Variants in TFB2M observed in about 807,000 individuals in gnomAD.
TFB2M encodes the protein dimethyladenosine transferase 2, mitochondrial.
Under a neutral mutation model 41.3 loss-of-function variants are expected in TFB2M, and 44 were observed. The ratio of observed to expected loss-of-function variants is 1.07; its 90% CI spans 0.84 to 1.37. The LOEUF (loss-of-function observed/expected upper bound fraction) is 1.37, where lower values mean the gene tolerates loss of function less well. TFB2M is among the 40% of genes most tolerant of loss of function. The pLI, the probability that TFB2M is intolerant of heterozygous loss-of-function variation, is 0.00. For synonymous variants in TFB2M, 188 were observed against 176.8 expected (o/e 1.06, Z -0.50); for missense variants, 496 against 490.2 (o/e 1.01, Z -0.11).
chr1:246,542,407 T>C (rs1572082125), intron 7 of TFB2M, among the ~76,000 whole-genome samples: 1 of 152,014 alleles, frequency 6.6e-6, no homozygotes, highest in Non-Finnish European at 1.5e-5. Context: ...GTGCGGTGGC[T>C]CCTACCTGTT....
At chr1:246,554,901 A>G (rs962383927) in intron 4 of TFB2M, among the ~76,000 whole-genome samples, 1 of 152,184 alleles carries the variant, frequency 6.6e-6, no homozygotes, top group Non-Finnish European at 1.5e-5. Flanking sequence ...GACACAATTA[A>G]CAGGGTTAAA....
intron 7 of TFB2M, among the ~76,000 whole-genome samples, chr1:246,541,675 G>A (rs549624925): frequency 2.0e-5 from 3 of 152,136 alleles, no homozygotes; most frequent in African/African-American, 4.8e-5. Context: ...TTTTTACACC[G>A]AATTCTAGTT....
At chr1:246,562,162 TGACA>T (rs1659472589) in intron 2 of TFB2M, among the ~76,000 whole-genome samples, 1 of 152,174 alleles carries the variant, frequency 6.6e-6, no homozygotes, top group South Asian at 2.1e-4. Flanking sequence ...CAACTGGATT[TGACA>T]GACATTTTCA....
intron 7 of TFB2M, among the ~76,000 whole-genome samples, chr1:246,542,965 T>C (rs1312845687): frequency 1.3e-5 from 2 of 148,562 alleles, no homozygotes; most frequent in African/African-American, 5.0e-5. Flanking sequence ...CAAAGTCTTG[T>C]TGGCGCTCTC....
At chr1:246,546,863 CT>C (rs1304369418) in intron 6 of TFB2M, among the ~76,000 whole-genome samples, 1 of 151,960 alleles carries the variant, frequency 6.6e-6, no homozygotes, top group Non-Finnish European at 1.5e-5. Context: ...ATATGAGCAC[CT>C]TGATATCAAA....
intron 2 of TFB2M, among the ~76,000 whole-genome samples, chr1:246,562,334 A>G (rs892609350): frequency 6.6e-6 from 1 of 152,232 alleles, no homozygotes; most frequent in African/African-American, 2.4e-5. Context: ...AAGGATTTCC[A>G]CTTCTTCATT....
chr1:246,544,107 A>G (rs914942011), intron 7 of TFB2M, among the ~76,000 whole-genome samples: 1 of 152,218 alleles, frequency 6.6e-6, no homozygotes, highest in Non-Finnish European at 1.5e-5. Context: ...GAGCAAGGGA[A>G]CCAGGGTGGT....
intron 5 of TFB2M, 78 bp downstream of exon 5, chr1:246,551,135 A>T: frequency 9.3e-7 from 1 of 1,078,686 alleles, no homozygotes. Context: ...TGATTGTGCC[A>T]CTGCACTCCA....
At position 246,546,962 on chromosome 1, in the gene TFB2M, T is replaced by TACACACACACACACACACACACAC. The variant is rs1191913962; in HGVS notation, c.858+1582_858+1583insGTGTGTGTGTGTGTGTGTGTGTGT. Among the ~76,000 whole-genome samples the TACACACACACACACACACACACAC allele has an allele frequency of 6.9e-3, 507 of 73,920 alleles. 8 individuals are homozygous for TACACACACACACACACACACACAC. The highest frequency in any genetic ancestry group is 0.017 in the African/African-American group (488 of 29,478). The allele number at this position is 73,920 out of a possible 152,430, so 48.5% of individuals were successfully genotyped here. On this transcript the variant is annotated intron_variant, in intron 6 of 7. Coordinates refer to ENST00000366514, the MANE Select transcript of TFB2M (RefSeq NM_022366.3). ...TCATCCCTAAAAGTTTATATATGTATATATACACACACACACACACATTTT... is the reference window on the plus strand; with the variant it reads ...TCATCCCTAAAAGTTTATATATGTATACACACACACACACACACACACACATATACACACACACACACACATTTT...
Position 246,544,570 on chromosome 1 carries a change from A to G in TFB2M, c.970T>C (p.Leu324=), listed in dbSNP as rs373909454. 12 of 1,610,818 alleles carry G rather than the reference A, an allele frequency of 7.4e-6. No homozygotes were observed. Among genetic ancestry groups the G allele is most frequent in the Non-Finnish European group, 1.0e-5 (12 of 1,179,288 alleles). Residue 324 remains leucine (L), a synonymous_variant, in exon 7 of 8, where the codon TTA becomes CTA. Coordinates refer to ENST00000366514, the MANE Select transcript of TFB2M (RefSeq NM_022366.3). ...PMNYNIFFHL[L]KHCFGRRSAT... ...CTGCGCCTCCCAAAACAGTGCTTTA[A>G]CAAGTGAAAAAATATATTATAGTTC...
chr1:246,544,686 A>G lies in TFB2M; in HGVS notation c.859-5T>C. Reference sequence around the variant, plus strand: ...TTGTAATTGGTCTAATAATTCCTGGAGAGAAGAAAAAATGAATTGCATTAG... The same window carrying G: ...TTGTAATTGGTCTAATAATTCCTGGGGAGAAGAAAAAATGAATTGCATTAG... On this transcript the variant is annotated splice_region_variant and splice_polypyrimidine_tract_variant and intron_variant, in intron 6 of 7. Coordinates refer to ENST00000366514, the MANE Select transcript of TFB2M (RefSeq NM_022366.3). The G allele has an allele frequency of 6.3e-7, 1 of 1,581,410 alleles. No homozygotes were observed. Among genetic ancestry groups the G allele is most frequent in the Non-Finnish European group, 8.5e-7 (1 of 1,171,060 alleles).
At chr1:246,563,628 T>C (rs1027881496) in intron 2 of TFB2M, among the ~76,000 whole-genome samples, 2 of 150,176 alleles carry the variant, frequency 1.3e-5, no homozygotes, top group African/African-American at 4.9e-5. Flanking sequence ...AAGTCAGGGA[T>C]GATGACGATG....
intron 7 of TFB2M, among the ~76,000 whole-genome samples, chr1:246,543,479 T>C (rs775829159): frequency 4.6e-5 from 7 of 152,136 alleles, no homozygotes; most frequent in Non-Finnish European, 1.0e-4. Flanking sequence ...ACAAATTACA[T>C]AGATGGCCAG....
chr1:246,565,056 C>G (rs562745510), intron 1 of TFB2M, among the ~76,000 whole-genome samples: 1 of 152,176 alleles, frequency 6.6e-6, no homozygotes, highest in African/African-American at 2.4e-5. Context: ...TGCCTCTAGC[C>G]TATCACTTCC....
At chr1:246,543,995 A>G (rs1658932067) in intron 7 of TFB2M, among the ~76,000 whole-genome samples, 1 of 152,150 alleles carries the variant, frequency 6.6e-6, no homozygotes, top group Admixed American at 6.5e-5. Flanking sequence ...GTCTCTAACA[A>G]CAACAAAAAA....
chr1:246,565,770 CA>C, intron 1 of TFB2M, 55 bp downstream of exon 1: 1 of 1,553,336 alleles, frequency 6.4e-7, no homozygotes, highest in Non-Finnish European at 8.8e-7. Context: ...CGAGGAGGGT[CA>C]ATACGTTTGA....
In TFB2M at chr1:246,565,860, A is replaced by G; in HGVS notation, c.279T>C (p.Ser93=). 1 of 1,608,596 alleles carries G rather than the reference A, an allele frequency of 6.2e-7. No homozygotes were observed. The highest frequency in any genetic ancestry group is 1.1e-5 in the South Asian group (1 of 91,042). The change falls in exon 1 of 8, where the codon AGT becomes AGC. Residue 93 remains serine, a synonymous_variant. Coordinates refer to ENST00000366514, the MANE Select transcript of TFB2M (RefSeq NM_022366.3). ...TLAQIYLGKP[S]RPPHLLLECN... Reference sequence around the variant, plus strand: ...ACTCCAGCAGTAGGTGTGGAGGTCTACTTGGTTTTCCCAAATAGATTTGCG... The same window carrying G: ...ACTCCAGCAGTAGGTGTGGAGGTCTGCTTGGTTTTCCCAAATAGATTTGCG...
intron 4 of TFB2M, 32 bp from the exon 5 acceptor site, chr1:246,551,334 T>A (rs34850511): frequency 0.46 from 664,602 of 1,451,080 alleles, 153,164 homozygotes; most frequent in Non-Finnish European, 0.47. Flanking sequence ...TTACATGTTA[T>A]ACACATCTAT....
chr1:246,558,618 A>C lies in TFB2M; in HGVS notation c.403-1084T>G, dbSNP rs189882568. Among the ~76,000 whole-genome samples the C allele has an allele frequency of 1.3e-3, 200 of 152,348 alleles. 1 individual carries two copies. The highest frequency in any genetic ancestry group is 4.6e-3 in the African/African-American group (191 of 41,580). On this transcript the variant is annotated intron_variant, in intron 2 of 7. Transcript: ENST00000366514. Reference sequence around the variant, plus strand: ...TTTGGTCATGGGAAGAAAAAATGAAAGATGTTTCACAGTAAAGAAAAACAA... The same window carrying C: ...TTTGGTCATGGGAAGAAAAAATGAACGATGTTTCACAGTAAAGAAAAACAA...
Sources: gnomAD v4.1 joint callset for allele counts (sites outside exome capture counted in the v4.1 genomes callset) on GRCh38, gnomAD v4.1.1 for gene constraint, MANE v1.5 for transcripts, NCBI Gene and HGNC (gene_info 2026-07-23, HGNC 2026-07-21) for gene names.